LRRC53: variants seen among roughly 807,000 people sequenced by gnomAD.
LRRC53 encodes the protein leucine rich repeat containing 53.
In LRRC53, 25 loss-of-function variants were observed where a neutral mutation model predicts 13.6. That is an observed-to-expected ratio of 1.83 (90% CI 1.34 to 2.56). LRRC53 has a LOEUF of 2.56. LRRC53 is among the 30% of genes most tolerant of loss of function. LRRC53 has a pLI of 0.00. For missense variants in LRRC53, 527 were observed against 275.8 expected, an observed-to-expected ratio of 1.91 and a Z score of -6.45; for synonymous variants, 204 against 109.8, an observed-to-expected ratio of 1.86 and a Z score of -5.37.
At chr1:74,496,468 T>G (rs530877624) in intron 1 of LRRC53, among the ~76,000 whole-genome samples, 1 of 152,316 alleles carries the variant, frequency 6.6e-6, no homozygotes, top group South Asian at 2.1e-4. Context: ...TACTAATGTA[T>G]GGATGTGGGG....
chr1:74,476,503 C>T (rs986143997), intron 3 of LRRC53, among the ~76,000 whole-genome samples: 3 of 152,116 alleles, frequency 2.0e-5, no homozygotes, highest in African/African-American at 7.2e-5. Context: ...GCAACACATC[C>T]TTTTAGTCCT....
intron 1 of LRRC53, among the ~76,000 whole-genome samples, chr1:74,495,775 A>C (rs544948333): frequency 4.6e-4 from 70 of 152,278 alleles, no homozygotes; most frequent in African/African-American, 1.6e-3. Flanking sequence ...TGCATGTTCC[A>C]GAAGCTTGAA....
chr1:74,535,403 A>T, the LRRC53 span, among the ~76,000 whole-genome samples: 2 of 152,090 alleles, frequency 1.3e-5, no homozygotes. Flanking sequence ...GTGGGAGGTG[A>T]AGATTGCAGT....
At chr1:74,505,973 G>T (rs1449822872) in intron 1 of LRRC53, among the ~76,000 whole-genome samples, 2 of 152,148 alleles carry the variant, frequency 1.3e-5, no homozygotes, top group Non-Finnish European at 2.9e-5. Context: ...CAAAGAGAAA[G>T]TAAAAAAATG....
At chr1:74,523,169 A>G in the LRRC53 span, among the ~76,000 whole-genome samples, 5 of 152,336 alleles carry the variant, frequency 3.3e-5, no homozygotes, top group East Asian at 7.7e-4. Context: ...AGAAAACAAT[A>G]TATATAATAA....
rs894322300 is a variant in LRRC53 at position 74,509,928 on chromosome 1, A to AT, written c.-27+2597dup. ...GCCACTGCACTTGGCTAATTTTTGT[A>AT]TTTTTTGTAGAGACAGGGTTTCACC... On this transcript the variant is annotated intron_variant, in intron 1 of 4. Transcript: ENST00000294635. Among the ~76,000 whole-genome samples, 7 of 150,860 alleles carry AT rather than the reference A, an allele frequency of 4.6e-5. No homozygotes were observed. In the South Asian group the frequency reaches 1.3e-3, roughly 27 times the overall value.
At chr1:74,487,454 G>A (rs185343394) in intron 1 of LRRC53, among the ~76,000 whole-genome samples, 12 of 152,226 alleles carry the variant, frequency 7.9e-5, no homozygotes, top group African/African-American at 2.6e-4. Context: ...TAGTACTGAC[G>A]GTCCATGGGA....
At chr1:74,527,849 T>C in the LRRC53 span, among the ~76,000 whole-genome samples, 1 of 152,172 alleles carries the variant, frequency 6.6e-6, no homozygotes, top group Non-Finnish European at 1.5e-5. Flanking sequence ...GAGCAGAATG[T>C]CAGAGTCCAA....
At chr1:74,510,890 CT>C (rs1195105886) in intron 1 of LRRC53, among the ~76,000 whole-genome samples, 1 of 152,098 alleles carries the variant, frequency 6.6e-6, no homozygotes, top group Non-Finnish European at 1.5e-5. Flanking sequence ...ACTGAATATG[CT>C]TTTTTTCTTT....
intron 4 of LRRC53, among the ~76,000 whole-genome samples, chr1:74,472,943 A>T (rs1668008696): frequency 6.6e-6 from 1 of 152,046 alleles, no homozygotes; most frequent in South Asian, 2.1e-4. Flanking sequence ...CTAAAGGAAA[A>T]TAGTACATGA....
chr1:74,520,801 A>G, the LRRC53 span, among the ~76,000 whole-genome samples: 2 of 152,128 alleles, frequency 1.3e-5, no homozygotes, highest in African/African-American at 4.8e-5. Context: ...TGTGGGTTGC[A>G]GCTGGGGTGG....
At chr1:74,498,118 C>A (rs1669427079) in intron 1 of LRRC53, among the ~76,000 whole-genome samples, 1 of 152,188 alleles carries the variant, frequency 6.6e-6, no homozygotes, top group Non-Finnish European at 1.5e-5. Context: ...AATTATCTTA[C>A]ACAAAATGAC....
At chr1:74,520,625 T>A in the LRRC53 span, among the ~76,000 whole-genome samples, 6 of 150,596 alleles carry the variant, frequency 4.0e-5, no homozygotes, top group African/African-American at 7.3e-5. Context: ...AAAAAAAAAA[T>A]GGGAAAAATC....
the LRRC53 span, among the ~76,000 whole-genome samples, chr1:74,519,977 GA>G: frequency 3.3e-5 from 5 of 152,178 alleles, no homozygotes; most frequent in Non-Finnish European, 7.4e-5. Context: ...TTCTCTGTGG[GA>G]TCTTGCCCAA....
intron 1 of LRRC53, among the ~76,000 whole-genome samples, chr1:74,510,799 C>T (rs1326706345): frequency 1.3e-5 from 2 of 152,228 alleles, no homozygotes; most frequent in Non-Finnish European, 2.9e-5. Flanking sequence ...TCTAGGTACA[C>T]AGCACTGTGT....
intron 1 of LRRC53, among the ~76,000 whole-genome samples, chr1:74,502,049 C>T (rs17095455): frequency 0.1 from 15,776 of 152,104 alleles, 2,171 homozygotes; most frequent in African/African-American, 0.32. Flanking sequence ...TTATCTGACC[C>T]TCCACCTTGC....
At chr1:74,525,552 T>C in the LRRC53 span, among the ~76,000 whole-genome samples, 1 of 152,204 alleles carries the variant, frequency 6.6e-6, no homozygotes, top group African/African-American at 2.4e-5. Context: ...ACCAAATTTA[T>C]TTTTAAAATA....
At chr1:74,503,941 T>G (rs1415309404) in intron 1 of LRRC53, among the ~76,000 whole-genome samples, 1 of 152,168 alleles carries the variant, frequency 6.6e-6, no homozygotes, top group Non-Finnish European at 1.5e-5. Context: ...CTTATATAGA[T>G]GGGAAAATTA....
chr1:74,511,420 A>C (rs1234350769), intron 1 of LRRC53, among the ~76,000 whole-genome samples: 2 of 151,948 alleles, frequency 1.3e-5, no homozygotes, highest in Admixed American at 1.3e-4. Context: ...CTGGTCTCGA[A>C]CTCCTGACCT....
Sources: allele counts gnomAD v4.1 joint callset (sites outside exome capture counted in the v4.1 genomes callset), GRCh38; gene constraint gnomAD v4.1.1; transcripts MANE v1.5; gene names NCBI Gene and HGNC (gene_info 2026-07-23, HGNC 2026-07-21).